Variants in AKR1C4 observed in about 807,000 individuals in gnomAD.
AKR1C4 encodes aldo-keto reductase family 1 member C4.
A neutral mutation model predicts 41.0 loss-of-function variants in AKR1C4; 44 were observed. The observed-to-expected ratio is 1.07, with a 90% CI of 0.84 to 1.38. The LOEUF (loss-of-function observed/expected upper bound fraction) is 1.38, where lower values mean the gene tolerates loss of function less well. AKR1C4 is among the 40% of genes most tolerant of loss of function. The pLI, the probability that AKR1C4 is intolerant of heterozygous loss-of-function variation, is 0.00. For synonymous variants in AKR1C4, 165 were observed against 137.7 expected, an observed-to-expected ratio of 1.20 and a Z score of -1.39; for missense variants, 438 against 387.9, an observed-to-expected ratio of 1.13 and a Z score of -1.09.
rs142566137 is a variant in AKR1C4 at position 5,200,314 on chromosome 10, G to A, written c.218G>A (p.Ser73Asn). 25 of 1,614,054 alleles carry A rather than the reference G, an allele frequency of 1.5e-5. No individual in the cohort carries two copies. The African/African-American group carries it at 3.3e-4, about 22-fold the overall frequency. ...LAIRSKIADG[S>N]VKREDIFYTS... ...ATCCGAAGCAAGATTGCAGATGGCAGTGTGAAGAGAGAAGACATATTCTAC... is the reference window on the plus strand; with the variant it reads ...ATCCGAAGCAAGATTGCAGATGGCAATGTGAAGAGAGAAGACATATTCTAC... Residue 73 changes from serine to asparagine, a missense_variant, in exon 2 of 9, where the codon AGT becomes AAT. Transcript: ENST00000263126.
chr10:5,211,774 A>G (rs1019582231), intron 5 of AKR1C4, among the ~76,000 whole-genome samples: 1 of 152,086 alleles, frequency 6.6e-6, no homozygotes, highest in Admixed American at 6.5e-5. Flanking sequence ...ATAAAGACAT[A>G]CTCAAGAGTG....
Position 5,206,343 on chromosome 10 carries a change from G to A in AKR1C4, c.516G>A (p.Gln172=). Residue 172 remains glutamine, a synonymous_variant, in exon 5 of 9, where the codon CAG becomes CAA. Transcript: ENST00000263126. ...GGGTGTCAAACTTCAACTGCAGGCA[G>A]CTGGAGATGATCCTCAACAAGCCAG... ...SIGVSNFNCR[Q]LEMILNKPGL... The A allele has an allele frequency of 6.2e-7, 1 of 1,614,068 alleles. No individual in the cohort carries two copies. The highest frequency in any genetic ancestry group is 1.3e-5 in the African/African-American group (1 of 75,024).
intron 8 of AKR1C4, among the ~76,000 whole-genome samples, chr10:5,217,790 G>T (rs1832676263): frequency 6.6e-6 from 1 of 152,144 alleles, no homozygotes. Context: ...GGAAGAGTTG[G>T]AAAGTCCCAT....
rs782564227 is a variant in AKR1C4, at chr10:5,200,263, A to G, written c.167A>G (p.Asn56Ser). Residue 56 changes from asparagine to serine, a missense_variant, in exon 2 of 9, where the codon AAT becomes AGT. Asn to Ser is a conservative substitution (Grantham distance 46). Coordinates refer to ENST00000263126, the MANE Select transcript of AKR1C4 (RefSeq NM_001818.5). ...FRHIDSAYLY[N>S]NEEQVGLAIR... ...CATATTGATTCTGCTTATTTATACA[A>G]TAATGAGGAGCAGGTTGGACTGGCC... The G allele has an allele frequency of 3.7e-6, 6 of 1,613,484 alleles. No homozygotes were observed. Among genetic ancestry groups the G allele is most frequent in the Admixed American group, 3.3e-5 (2 of 59,990 alleles).
intron 7 of AKR1C4, among the ~76,000 whole-genome samples, chr10:5,214,081 TATA>T (rs782156341): frequency 2.6e-5 from 4 of 152,050 alleles, no homozygotes; most frequent in Non-Finnish European, 4.4e-5. Context: ...ATTAATATCT[TATA>T]AAAGTATTAA....
intron 7 of AKR1C4, among the ~76,000 whole-genome samples, chr10:5,214,729 T>C (rs1363598483): frequency 1.3e-5 from 2 of 152,326 alleles, no homozygotes; most frequent in Admixed American, 1.3e-4. Context: ...AAGAATACAA[T>C]GAATGCTTCT....
chr10:5,200,083 C>G lies in AKR1C4; in HGVS notation c.85-98C>G, dbSNP rs187171962. ...CGGGGGCCTGAAGAAGCGAGCCACA[C>G]CCCCACTGCACACCCTGTGAGGACA... On this transcript the variant is annotated intron_variant, in intron 1 of 8. Transcript: ENST00000263126. The G allele has an allele frequency of 3.0e-4, 440 of 1,485,914 alleles. 1 individual carries two copies. Among genetic ancestry groups the G allele is most frequent in the Non-Finnish European group, 3.3e-4 (362 of 1,100,364 alleles). The allele number at this position is 1,485,914 out of a possible 1,614,324, so 92.0% of individuals were successfully genotyped here.
intron 5 of AKR1C4, chr10:5,207,285 A>G (rs1165522639): frequency 1.2e-5 from 3 of 247,306 alleles, no homozygotes; most frequent in South Asian, 5.3e-5. Flanking sequence ...ACAGGCTGCT[A>G]TTCAATAAAT....
rs111708817 is a variant in AKR1C4 at position 5,218,381 on chromosome 10, A to G, written c.930-337A>G. Among the ~76,000 whole-genome samples, 256 of 152,358 alleles carry G rather than the reference A, an allele frequency of 1.7e-3. 2 individuals carry two copies. The highest frequency in any genetic ancestry group is 5.8e-3 in the African/African-American group (241 of 41,588). Reference sequence around the variant, plus strand: ...GCTTATTTCTATTCAAAACAATGCAAGATGAGTTCCTGCTTTCATTGAGAA... The same window carrying G: ...GCTTATTTCTATTCAAAACAATGCAGGATGAGTTCCTGCTTTCATTGAGAA... On this transcript the variant is annotated intron_variant, in intron 8 of 8. Transcript: ENST00000263126.
intron 7 of AKR1C4, 77 bp from the exon 8 acceptor site, chr10:5,216,634 T>TACTG (rs1487660756): frequency 7.7e-6 from 8 of 1,042,572 alleles, no homozygotes; most frequent in Non-Finnish European, 1.2e-5. Flanking sequence ...CTCTACACCC[T>TACTG]ACTGTGTGAT....
intron 3 of AKR1C4, 69 bp from the exon 4 acceptor site, chr10:5,205,688 T>C (rs932926496): frequency 5.9e-6 from 8 of 1,353,010 alleles, no homozygotes; most frequent in South Asian, 1.3e-5. Flanking sequence ...TATCCTAAAA[T>C]GTACATGGGA....
chr10:5,214,700 T>C (rs1362762765), intron 7 of AKR1C4, among the ~76,000 whole-genome samples: 5 of 152,232 alleles, frequency 3.3e-5, no homozygotes, highest in Admixed American at 2.6e-4. Flanking sequence ...GAGAATTTTC[T>C]AATCTATGCA....
chr10:5,205,001 G>A (rs1832463103), intron 3 of AKR1C4, among the ~76,000 whole-genome samples: 1 of 152,122 alleles, frequency 6.6e-6, no homozygotes, highest in Non-Finnish European at 1.5e-5. Flanking sequence ...TTGTAGCTTT[G>A]CCTAGTCATG....
intron 5 of AKR1C4, among the ~76,000 whole-genome samples, chr10:5,209,962 G>C (rs527537023): frequency 6.6e-6 from 1 of 152,214 alleles, no homozygotes; most frequent in South Asian, 2.1e-4. Flanking sequence ...TTCAGCATTA[G>C]ATCAAAAGTC....
chr10:5,196,974 T>A, intron 1 of AKR1C4, 23 bp downstream of exon 1: 2 of 1,609,872 alleles, frequency 1.2e-6, no homozygotes, highest in Non-Finnish European at 1.7e-6. Flanking sequence ...TTTTCAGCAT[T>A]GAGCATTTAA....
At chr10:5,210,509 G>A (rs1042092017) in intron 5 of AKR1C4, among the ~76,000 whole-genome samples, 1 of 152,220 alleles carries the variant, frequency 6.6e-6, no homozygotes, top group African/African-American at 2.4e-5. Context: ...AGTTCACCAT[G>A]AGAGTGCATG....
chr10:5,208,821 A>T (rs1554797711), intron 5 of AKR1C4, among the ~76,000 whole-genome samples: 1 of 151,410 alleles, frequency 6.6e-6, no homozygotes, highest in Non-Finnish European at 1.5e-5. Context: ...ACCTGAAATT[A>T]TACCTAATAA....
At chr10:5,212,582 T>C in intron 5 of AKR1C4, 34 bp from the exon 6 acceptor site, 1 of 1,559,636 alleles carries the variant, frequency 6.4e-7, no homozygotes, top group East Asian at 2.3e-5. Context: ...CTGTTTTGAA[T>C]TATCTGATGC....
chr10:5,205,758 C>T lies in AKR1C4; in HGVS notation c.371C>T (p.Pro124Leu). 1 of 1,612,616 alleles carries T rather than the reference C, an allele frequency of 6.2e-7. No homozygotes were observed. Among genetic ancestry groups the T allele is most frequent in the Non-Finnish European group, 8.5e-7 (1 of 1,179,094 alleles). Reference sequence around the variant, plus strand: ...CTAAAGTGACTGCTTCTACTTCAGCCAGGTGAGACGCCACTACCAAAAGAT... The same window carrying T: ...CTAAAGTGACTGCTTCTACTTCAGCTAGGTGAGACGCCACTACCAAAAGAT... ...YLLHFPMALK[P>L]GETPLPKDEN... The change falls in exon 4 of 9, where the codon CCA (proline) becomes CTA (leucine). Residue 124 changes from proline to leucine, a missense_variant and splice_region_variant. By Grantham distance (98) the Pro-to-Leu change is moderately conservative (BLOSUM62 -3). Transcript: ENST00000263126.
Sources: gnomAD v4.1 joint callset for allele counts (sites outside exome capture counted in the v4.1 genomes callset) on GRCh38, gnomAD v4.1.1 for gene constraint, MANE v1.5 for transcripts, NCBI Gene and HGNC (gene_info 2026-07-23, HGNC 2026-07-21) for gene names.